Variants in ZSCAN2 observed in about 807,000 individuals in gnomAD.
The protein encoded by ZSCAN2 is zinc finger and SCAN domain containing 2.
Under a neutral mutation model 47.8 loss-of-function variants are expected in ZSCAN2, and 26 were observed. The observed-to-expected ratio is 0.54, with a 90% CI of 0.40 to 0.75. The LOEUF (loss-of-function observed/expected upper bound fraction) is 0.75. Among genes scored for constraint, ZSCAN2 ranks in the 30% least tolerant of loss-of-function variants. The pLI is 0.00. For synonymous variants in ZSCAN2, 305 were observed against 288.7 expected (o/e 1.06, Z -0.57); for missense variants, 732 against 785.4 (o/e 0.93, Z 0.81).
chr15:84,604,184 G>C lies in ZSCAN2; in HGVS notation c.257G>C (p.Arg86Pro). 6.2e-7 allele frequency: 1 copy of C among 1,613,660 alleles called. No individual in the cohort carries two copies. Among genetic ancestry groups the C allele is most frequent in the Non-Finnish European group, 8.5e-7 (1 of 1,179,848 alleles). ...ALGRLRELCR[R>P]WLRPEVHTKE... ...GGCCGCCTCCGAGAGCTCTGCCGGC[G>C]CTGGCTGAGACCAGAGGTACACACC... is the stretch of plus-strand genomic sequence containing the variant. The change falls in exon 2 of 3, where the codon CGC (arginine) becomes CCC (proline). Residue 86 changes from arginine (R) to proline (P), a missense_variant. Coordinates refer to ENST00000546148, the MANE Select transcript of ZSCAN2 (RefSeq NM_181877.4).
chr15:84,603,987 T>G lies in ZSCAN2; in HGVS notation c.60T>G (p.Pro20=). The part of the protein sequence containing the change: ...TTPLSSLVQV[P]QEEDRQEEEV... The stretch of plus-strand genomic sequence containing the variant: ...CGCTGAGCTCCTTGGTCCAGGTGCC[T>G]CAAGAGGAAGATAGACAGGAGGAGG... The change falls in exon 2 of 3, where the codon CCT becomes CCG. Residue 20 remains proline, a synonymous_variant. Transcript: ENST00000546148. 1 of 1,613,912 alleles carries G rather than the reference T, an allele frequency of 6.2e-7. No individual in the cohort carries two copies. The highest frequency in any genetic ancestry group is 8.5e-7 in the Non-Finnish European group (1 of 1,180,002).
chr15:84,620,802 G>A lies in ZSCAN2; in HGVS notation c.607G>A (p.Asp203Asn). 1.9e-6 allele frequency: 3 copies of A among 1,614,240 alleles called. No homozygotes were observed. Among genetic ancestry groups the A allele is most frequent in the Non-Finnish European group, 1.7e-6 (2 of 1,180,048 alleles). Residue 203 changes from aspartate to asparagine, a missense_variant, in exon 3 of 3, where the codon GAC (aspartate) becomes AAC (asparagine). By Grantham distance (23) the Asp-to-Asn change is conservative. Transcript: ENST00000546148. ...GEDHGEVVSQ[D>N]REVGQLIGLQ... is the part of the protein sequence containing the mutation. Reference sequence around the variant, plus strand: ...GGACCACGGGGAGGTGGTTTCTCAGGACAGGGAAGTTGGCCAGCTCATAGG... The same window carrying A: ...GGACCACGGGGAGGTGGTTTCTCAGAACAGGGAAGTTGGCCAGCTCATAGG...
chr15:84,612,364 T>G (rs1298442207), intron 2 of ZSCAN2, among the ~76,000 whole-genome samples: 1 of 152,022 alleles, frequency 6.6e-6, no homozygotes, highest in Non-Finnish European at 1.5e-5. Flanking sequence ...AGTGAAGGGG[T>G]TATTGGGCCT....
Position 84,621,579 on chromosome 15 carries a change from A to G in ZSCAN2, c.1384A>G (p.Ile462Val). Residue 462 changes from isoleucine (I) to valine (V), a missense_variant, in exon 3 of 3, where the codon ATT (isoleucine) becomes GTT (valine). Transcript: ENST00000546148. The surrounding 1 kb of genome is among the most constrained non-coding windows in gnomAD (Gnocchi z 5.7). ...GAGCTTCAGCCAGAGCTCCAGTCTG[A>G]TTGCACACCAGGGCATGCACACAGG... ...GKSFSQSSSL[I>V]AHQGMHTGEK... 1.2e-6 allele frequency: 2 copies of G among 1,613,938 alleles called. No individual in the cohort carries two copies. The highest frequency in any genetic ancestry group is 1.7e-6 in the Non-Finnish European group (2 of 1,179,986).
chr15:84,618,018 G>A (rs905125599), intron 2 of ZSCAN2, among the ~76,000 whole-genome samples: 1 of 152,116 alleles, frequency 6.6e-6, no homozygotes, highest in African/African-American at 2.4e-5. Flanking sequence ...GCCTGAGAGG[G>A]GCATGTCCAA....
At chr15:84,616,383 A>T (rs1474835630) in intron 2 of ZSCAN2, 1 of 1,609,306 alleles carries the variant, frequency 6.2e-7, no homozygotes, top group Non-Finnish European at 8.5e-7. Context: ...CTCTGAACCA[A>T]AGAAGCCAGC....
At chr15:84,615,576 T>C (rs1895672555) in intron 2 of ZSCAN2, among the ~76,000 whole-genome samples, 1 of 152,212 alleles carries the variant, frequency 6.6e-6, no homozygotes. Context: ...GCAATCCACC[T>C]GTCTTGGCCT....
chr15:84,614,896 T>A (rs1364401077), intron 2 of ZSCAN2: 1 of 152,206 alleles, frequency 6.6e-6, no homozygotes, highest in Non-Finnish European at 1.5e-5. Context: ...TAGTTTTTGT[T>A]GGCCCATGGT....
chr15:84,605,242 T>G (rs1447707240), intron 2 of ZSCAN2, among the ~76,000 whole-genome samples: 1 of 152,244 alleles, frequency 6.6e-6, no homozygotes, highest in Non-Finnish European at 1.5e-5. Flanking sequence ...TCCCTCCTGG[T>G]TTTCCATTGT....
At position 84,621,363 on chromosome 15, in the gene ZSCAN2, T is replaced by G. The variant is rs754857724; in HGVS notation, c.1168T>G (p.Tyr390Asp). ...HQRIHTGEKPYKCTDCGQRFS... is the reference protein window; with the variant it reads ...HQRIHTGEKPDKCTDCGQRFS... ...GAGAATCCACACAGGAGAGAAACCC[T>G]ACAAATGTACCGACTGTGGGCAGAG... Residue 390 changes from tyrosine (Y) to aspartate (D), a missense_variant, in exon 3 of 3, where the codon TAC (tyrosine) becomes GAC (aspartate). Physicochemically the swap from Tyr to Asp is radical, Grantham distance 160. Around this residue, in one of 2 missense-constraint regions of ZSCAN2, gnomAD observed 412 missense variants for 498.0 expected, o/e 0.83. Transcript: ENST00000546148. This position sits in a 1 kb window ranked among gnomAD's most constrained non-coding sequence, Gnocchi z 5.7. 3.7e-6 allele frequency: 6 copies of G among 1,613,944 alleles called. No homozygotes were observed. The highest frequency in any genetic ancestry group is 5.1e-6 in the Non-Finnish European group (6 of 1,180,004).
At chr15:84,611,684 G>A (rs917822736) in intron 2 of ZSCAN2, 1 of 151,722 alleles carries the variant, frequency 6.6e-6, no homozygotes, top group Non-Finnish European at 1.5e-5. Flanking sequence ...GGAGGCAGAG[G>A]TTGCCAAGAT....
chr15:84,616,572 C>A (rs1895698856), intron 2 of ZSCAN2: 6 of 1,264,158 alleles, frequency 4.7e-6, no homozygotes, highest in Admixed American at 4.1e-5. Context: ...CATATTTTAT[C>A]TTCTGATCTC....
At chr15:84,616,549 A>G (rs1236805112) in intron 2 of ZSCAN2, 3 of 1,307,700 alleles carry the variant, frequency 2.3e-6, no homozygotes, top group Non-Finnish European at 2.9e-6. Context: ...CCTGACATGT[A>G]TTTTGGTGCC....
intron 2 of ZSCAN2, chr15:84,616,228 C>T (rs1287155318): frequency 3.6e-6 from 3 of 834,512 alleles, no homozygotes; most frequent in Non-Finnish European, 6.3e-6. Flanking sequence ...CAGAGTGAGA[C>T]TTCATCTCAA....
intron 1 of ZSCAN2, chr15:84,601,900 G>C (rs1316256983): frequency 6.7e-6 from 1 of 148,716 alleles, no homozygotes; most frequent in Non-Finnish European, 1.5e-5. Context: ...CAATTCCACT[G>C]CTTTCAATAT....
At chr15:84,616,244 T>A (rs1038280195) in intron 2 of ZSCAN2, 16 of 893,018 alleles carry the variant, frequency 1.8e-5, no homozygotes, top group East Asian at 7.3e-5. Context: ...CTCAAAAAAA[T>A]AAATAAATAA....
intron 2 of ZSCAN2, among the ~76,000 whole-genome samples, chr15:84,604,623 G>A (rs1895319835): frequency 1.3e-5 from 2 of 152,192 alleles, no homozygotes; most frequent in Non-Finnish European, 2.9e-5. Context: ...GAAGTTAAAC[G>A]GGAGGAGATG....
Position 84,622,850 on chromosome 15 carries a change from GAGTGT to G in ZSCAN2, c.*815_*819del, listed in dbSNP as rs1165077102. 3.3e-6 allele frequency: 2 copies of G among 607,556 alleles called. No homozygotes were observed. Among genetic ancestry groups the G allele is most frequent in the African/African-American group, 1.9e-5 (1 of 53,460 alleles). 37.6% of individuals were successfully genotyped at this position (607,556 alleles called of 1,614,324 possible). ...TGTTCTCGTGGGGTTTTGTCCTGGA[GAGTGT>G]AGTGAAGTCCGAGAGCCCTAGCTGC... is the stretch of plus-strand genomic sequence containing the variant. On this transcript the variant is annotated 3_prime_UTR_variant, in exon 3 of 3. Transcript: ENST00000546148.
At chr15:84,620,408 G>C (rs1006275033) in intron 2 of ZSCAN2, among the ~76,000 whole-genome samples, 194 bp from the exon 3 acceptor site, 3 of 152,076 alleles carry the variant, frequency 2.0e-5, no homozygotes, top group African/African-American at 7.3e-5. Context: ...GAACATGTGT[G>C]TGCATGTATC....
Sources: allele counts gnomAD v4.1 joint callset (sites outside exome capture counted in the v4.1 genomes callset), GRCh38; gene constraint gnomAD v4.1.1; regional missense constraint gnomAD v4.1.1; non-coding constraint Gnocchi (gnomAD v3.1); transcripts MANE v1.5; gene names NCBI Gene and HGNC (gene_info 2026-07-23, HGNC 2026-07-21).